The following AZI2 variants were observed in gnomAD, a reference collection of about 807,000 sequenced individuals.
AZI2 encodes 5-azacytidine induced 2.
AZI2 carries 22 observed loss-of-function variants against 45.8 expected under a neutral mutation model. The observed-to-expected ratio is 0.48, with a 90% confidence interval of 0.34 to 0.69. AZI2 has a LOEUF of 0.69. AZI2 is among the 30% of genes least tolerant of loss of function. The pLI, the probability that AZI2 is intolerant of heterozygous loss-of-function variation, is 0.01. For synonymous variants in AZI2, 137 were observed against 156.7 expected (o/e 0.87, Z 0.94); for missense variants, 417 against 441.5 (o/e 0.94, Z 0.50).
chr3:28,327,027 C>T, intron 6 of AZI2, 77 bp from the exon 7 acceptor site: 1 of 1,001,782 alleles, frequency 1.0e-6, no homozygotes, highest in Non-Finnish European at 1.5e-6. Flanking sequence ...TAGAAATATG[C>T]AGATCAAGTT....
chr3:28,327,564 C>T (rs1482088894), intron 6 of AZI2, among the ~76,000 whole-genome samples: 1 of 150,824 alleles, frequency 6.6e-6, no homozygotes, highest in Non-Finnish European at 1.5e-5. Flanking sequence ...GAAAAAGAAG[C>T]TAGAGAGGGA....
rs199951188 is a variant in AZI2, at chr3:28,324,472, A to G, written c.767-18T>C. The G allele has an allele frequency of 2.4e-5, 35 of 1,439,768 alleles. No homozygotes were observed. Among genetic ancestry groups the G allele is most frequent in the East Asian group, 9.3e-5 (4 of 43,082 alleles). The allele number at this position is 1,439,768 out of a possible 1,614,324, so 89.2% of individuals were successfully genotyped here. On this transcript the variant is annotated intron_variant, in intron 7 of 7. Coordinates refer to ENST00000479665, the MANE Select transcript of AZI2 (RefSeq NM_022461.5). ...GGCACAGGCTAAAAAGAAAACACAG[A>G]CTAAATGTCAGTTTTCATTACATTT...
At chr3:28,338,707 A>T in intron 2 of AZI2, 92 bp from the exon 3 acceptor site, 1 of 1,172,314 alleles carries the variant, frequency 8.5e-7, no homozygotes, top group Non-Finnish European at 1.2e-6. Flanking sequence ...TCTTACTTCA[A>T]TCGTAATAAG....
Position 28,340,461 on chromosome 3 carries a change from T to C in AZI2, c.157A>G (p.Lys53Glu), listed in dbSNP as rs1335249222. The C allele has an allele frequency of 6.2e-7, 1 of 1,612,538 alleles. No homozygotes were observed. The highest frequency in any genetic ancestry group is 1.3e-5 in the African/African-American group (1 of 75,000). Residue 53 changes from lysine to glutamate, a missense_variant, in exon 2 of 8, where the codon AAG (lysine) becomes GAG (glutamate). Physicochemically the swap from Lys to Glu is moderately conservative, Grantham distance 56. Transcript: ENST00000479665. ...AAAGAGTTCTCTTTCTCTGAATCCTTAAGTCGTTTTTTGATGTCTTCATAT... is the reference window on the plus strand; with the variant it reads ...AAAGAGTTCTCTTTCTCTGAATCCTCAAGTCGTTTTTTGATGTCTTCATAT... ...TAYEDIKKRLKDSEKENSLLK... is the reference protein window; with the variant it reads ...TAYEDIKKRLEDSEKENSLLK...
rs1440225032 is a variant in AZI2, at chr3:28,331,810, A to G, written c.647+559T>C. The stretch of plus-strand genomic sequence containing the variant: ...AATTGAAGTTACTTAAGTAAAAATG[A>G]TACGTATTTGAGGAAAAAGGGTTGA... On this transcript the variant is annotated intron_variant, in intron 6 of 7. Transcript: ENST00000479665. 10 of 1,535,038 alleles carry G rather than the reference A, an allele frequency of 6.5e-6. No individual in the cohort carries two copies. The South Asian group carries it at 9.6e-5, about 15-fold the overall frequency.
chr3:28,348,382 TG>T, intron 1 of AZI2: 1 of 150,864 alleles, frequency 6.6e-6, no homozygotes, highest in Non-Finnish European at 1.5e-5. Flanking sequence ...CCTGGACAGC[TG>T]GGGGTGAGGG....
At chr3:28,326,667 A>G in intron 7 of AZI2, 165 bp downstream of exon 7, 1 of 689,312 alleles carries the variant, frequency 1.5e-6, no homozygotes, top group Non-Finnish European at 2.7e-6. Flanking sequence ...GAAGTTGACC[A>G]GTATGAGACT....
At position 28,338,475 on chromosome 3, in the gene AZI2, C is replaced by T. The variant is rs915958190; in HGVS notation, c.339+18G>A. On this transcript the variant is annotated intron_variant, in intron 3 of 7. Transcript: ENST00000479665. ...TCATTTCCAAAATGCAGATGTCATT[C>T]GCTTCAAATCAACTTACCATTTTGT... is the stretch of plus-strand genomic sequence containing the variant. The T allele has an allele frequency of 1.7e-5, 26 of 1,514,730 alleles. No individual in the cohort carries two copies. Among genetic ancestry groups the T allele is most frequent in the Middle Eastern group, 1.8e-4 (1 of 5,708 alleles). The allele number at this position is 1,514,730 out of a possible 1,614,324, so 93.8% of individuals were successfully genotyped here. A position where few individuals can be genotyped will look rare whatever the true frequency, so the allele number is the denominator to read the frequency against.
chr3:28,327,833 G>T (rs1703438917), intron 6 of AZI2, among the ~76,000 whole-genome samples: 1 of 150,272 alleles, frequency 6.7e-6, no homozygotes, highest in Admixed American at 6.7e-5. Flanking sequence ...AATATTAAAT[G>T]TAAGACTAAA....
At chr3:28,340,334 C>CA in intron 2 of AZI2, 68 bp downstream of exon 2, 1 of 1,108,854 alleles carries the variant, frequency 9.0e-7, no homozygotes, top group East Asian at 2.6e-5. Context: ...AAAAAGTATT[C>CA]AAAATTTCAA....
chr3:28,342,225 T>C (rs1704044277), intron 1 of AZI2, among the ~76,000 whole-genome samples: 1 of 152,064 alleles, frequency 6.6e-6, no homozygotes, highest in Admixed American at 6.6e-5. Context: ...GCAATTTGTA[T>C]CTAGAATTAT....
intron 6 of AZI2, 58 bp from the exon 7 acceptor site, chr3:28,327,008 G>A: frequency 8.3e-7 from 1 of 1,207,186 alleles, no homozygotes; most frequent in Non-Finnish European, 1.2e-6. Context: ...AGACAAAAGG[G>A]AATAACTTTA....
rs1703190989 is a variant in AZI2 at position 28,321,600 on chromosome 3, T to C, written c.*2442A>G. On this transcript the variant is annotated 3_prime_UTR_variant, in exon 8 of 8. Coordinates refer to ENST00000479665, the MANE Select transcript of AZI2 (RefSeq NM_022461.5). Reference sequence around the variant, plus strand: ...CTGTTGATATTATTCCCTGTTAATATGTGGTAACCCACAGGTTTTTTACCC... The same window carrying C: ...CTGTTGATATTATTCCCTGTTAATACGTGGTAACCCACAGGTTTTTTACCC... 1 of 151,402 alleles carries C rather than the reference T, an allele frequency of 6.6e-6. No individual in the cohort carries two copies. Among genetic ancestry groups the C allele is most frequent in the Non-Finnish European group, 1.5e-5 (1 of 67,546 alleles). 9.4% of individuals were successfully genotyped at this position (151,402 alleles called of 1,614,324 possible). A position where few individuals can be genotyped will look rare whatever the true frequency, so the allele number is the denominator to read the frequency against.
At position 28,323,913 on chromosome 3, in the gene AZI2, C is replaced by A; in HGVS notation, c.*129G>T. On this transcript the variant is annotated 3_prime_UTR_variant, in exon 8 of 8. Coordinates refer to ENST00000479665, the MANE Select transcript of AZI2 (RefSeq NM_022461.5). ...TTTTTGTACTATTGTACAGTGTGTT[C>A]AAATATAGATACTGAAGACCTCTGC... 1 of 1,074,864 alleles carries A rather than the reference C, an allele frequency of 9.3e-7. No homozygotes were observed. The highest frequency in any genetic ancestry group is 2.6e-5 in the Admixed American group (1 of 39,084). 66.6% of individuals were successfully genotyped at this position (1,074,864 alleles called of 1,614,324 possible). A position where few individuals can be genotyped will look rare whatever the true frequency, so the allele number is the denominator to read the frequency against.
intron 1 of AZI2, among the ~76,000 whole-genome samples, chr3:28,346,750 T>A (rs547881018): frequency 6.6e-6 from 1 of 152,192 alleles, no homozygotes; most frequent in African/African-American, 2.4e-5. Context: ...AGACCAATGC[T>A]TATTCCCCTT....
chr3:28,336,698 A>G, intron 5 of AZI2, 39 bp downstream of exon 5: 2 of 1,588,910 alleles, frequency 1.3e-6, no homozygotes, highest in Non-Finnish European at 1.7e-6. Context: ...ATGATACACA[A>G]AAAATACTGA....
Position 28,321,537 on chromosome 3 carries a change from ATCTG to A in AZI2, c.*2501_*2504del, listed in dbSNP as rs1324114220. ...ACTGAAGATTTTTTTCACCTGGTAC[ATCTG>A]TCTCAGTTGTGTCTTGCTTGCTTAT... On this transcript the variant is annotated 3_prime_UTR_variant, in exon 8 of 8. Transcript: ENST00000479665. 1 of 151,360 alleles carries A rather than the reference ATCTG, an allele frequency of 6.6e-6. No individual in the cohort carries two copies. The highest frequency in any genetic ancestry group is 1.5e-5 in the Non-Finnish European group (1 of 67,560). 9.4% of individuals were successfully genotyped at this position (151,360 alleles called of 1,614,324 possible).
At chr3:28,336,962 G>A in intron 4 of AZI2, 77 bp from the exon 5 acceptor site, 9 of 1,428,906 alleles carry the variant, frequency 6.3e-6, no homozygotes, top group Non-Finnish European at 6.7e-6. Flanking sequence ...AGGTTATTCT[G>A]GTAAAATGTA....
chr3:28,337,472 C>T (rs533141445), intron 4 of AZI2, among the ~76,000 whole-genome samples: 1 of 152,182 alleles, frequency 6.6e-6, no homozygotes, highest in South Asian at 2.1e-4. Context: ...TGGGAGCAGG[C>T]TATTTATCCA....
Sources: allele counts gnomAD v4.1 joint callset (sites outside exome capture counted in the v4.1 genomes callset), GRCh38; gene constraint gnomAD v4.1.1; transcripts MANE v1.5; gene names NCBI Gene and HGNC (gene_info 2026-07-23, HGNC 2026-07-21).